The following IDE variants were observed in gnomAD, a reference collection of about 807,000 sequenced individuals.
The protein encoded by IDE is insulin-degrading enzyme.
A neutral mutation model predicts 133.2 loss-of-function variants in IDE; 58 were observed. That is an observed-to-expected ratio of 0.44 (90% CI 0.35 to 0.54). The LOEUF (loss-of-function observed/expected upper bound fraction) is 0.54. Ranked by LOEUF, IDE falls within the 20% of genes least tolerant of loss-of-function variation. IDE has a pLI of 0.00. For synonymous variants in IDE, 396 were observed against 421.3 expected, an observed-to-expected ratio of 0.94 and a Z score of 0.73; for missense variants, 981 against 1,234.0, an observed-to-expected ratio of 0.79 and a Z score of 3.07.
At chr10:92,508,649 G>C in intron 7 of IDE, 79 bp downstream of exon 7, 1 of 1,331,368 alleles carries the variant, frequency 7.5e-7, no homozygotes, top group African/African-American at 1.4e-5. Flanking sequence ...TTCCTTCATA[G>C]GACACTATTC....
intron 1 of IDE, among the ~76,000 whole-genome samples, chr10:92,571,728 C>T (rs1843796131): frequency 6.6e-6 from 1 of 152,204 alleles, no homozygotes; most frequent in South Asian, 2.1e-4. Context: ...AATGAATGCC[C>T]AAATACCAGC....
At position 92,475,953 on chromosome 10, in the gene IDE, T is replaced by C. The variant is rs1228086579; in HGVS notation, c.1926A>G (p.Leu642=). Residue 642 remains leucine (L), a synonymous_variant, in exon 16 of 25, where the codon CTA becomes CTG. Transcript: ENST00000265986. ...KGYNDKQPIL[L]KKIIEKMATF... is the part of the protein sequence containing the mutation. ...TAGCCATTTTCTCAATAATCTTCTTTAGTAAAATTGGCTGCTTGTCATTGT... is the reference window on the plus strand; with the variant it reads ...TAGCCATTTTCTCAATAATCTTCTTCAGTAAAATTGGCTGCTTGTCATTGT... 6.5e-7 allele frequency: 1 copy of C among 1,548,662 alleles called. No homozygotes were observed. Among genetic ancestry groups the C allele is most frequent in the South Asian group, 1.2e-5 (1 of 83,424 alleles).
intron 14 of IDE, among the ~76,000 whole-genome samples, chr10:92,479,936 C>T (rs1223248811): frequency 6.6e-6 from 1 of 152,152 alleles, no homozygotes; most frequent in Non-Finnish European, 1.5e-5. Flanking sequence ...AAAATGTTAG[C>T]TTATCCCTGA....
chr10:92,535,325 G>C (rs925191666), intron 2 of IDE, among the ~76,000 whole-genome samples: 8 of 152,062 alleles, frequency 5.3e-5, no homozygotes, highest in Non-Finnish European at 1.2e-4. Flanking sequence ...GGATGGTCTC[G>C]ATCTCCTGAC....
intron 3 of IDE, among the ~76,000 whole-genome samples, chr10:92,533,251 G>A (rs1221811954): frequency 6.6e-6 from 1 of 152,152 alleles, no homozygotes; most frequent in Non-Finnish European, 1.5e-5. Flanking sequence ...TGCAGCATTT[G>A]TAAAGCAAGA....
chr10:92,538,733 T>C (rs1842145295), intron 1 of IDE, among the ~76,000 whole-genome samples: 1 of 147,960 alleles, frequency 6.8e-6, no homozygotes, highest in Non-Finnish European at 1.5e-5. Flanking sequence ...TTTTTGAGAG[T>C]AGGGTAGATG....
intron 4 of IDE, among the ~76,000 whole-genome samples, chr10:92,516,068 T>C (rs1427085126): frequency 2.7e-4 from 40 of 145,524 alleles, no homozygotes; most frequent in Admixed American, 1.6e-3. Context: ...ACTTGGGAGG[T>C]TGAGGCAGGA....
At chr10:92,464,112 T>C (rs1159121068) in intron 20 of IDE, 109 bp from the exon 21 acceptor site, 2 of 1,125,498 alleles carry the variant, frequency 1.8e-6, no homozygotes, top group Non-Finnish European at 2.6e-6. Context: ...TTTAAGGTTT[T>C]AGAGTATTCA....
intron 8 of IDE, 46 bp downstream of exon 8, chr10:92,508,066 AG>A (rs1313445743): frequency 7.3e-7 from 1 of 1,363,812 alleles, no homozygotes; most frequent in South Asian, 1.2e-5. Context: ...AAAACATCAT[AG>A]AAAGTAAATT....
intron 1 of IDE, among the ~76,000 whole-genome samples, chr10:92,570,894 C>T (rs759793060): frequency 2.0e-5 from 3 of 151,534 alleles, no homozygotes; most frequent in South Asian, 2.1e-4. Context: ...CCAGCCTGGG[C>T]GACAGAGTGA....
chr10:92,526,403 A>G (rs137859455), intron 4 of IDE, among the ~76,000 whole-genome samples: 136 of 152,308 alleles, frequency 8.9e-4, no homozygotes, highest in Non-Finnish European at 1.7e-3. Flanking sequence ...AATCAAGACA[A>G]GGACTTTTTC....
At chr10:92,500,392 G>C (rs1847944160) in intron 11 of IDE, among the ~76,000 whole-genome samples, 1 of 151,998 alleles carries the variant, frequency 6.6e-6, no homozygotes, top group Non-Finnish European at 1.5e-5. Context: ...TAAAAAGAAA[G>C]GGAATCCTGT....
intron 9 of IDE, 117 bp downstream of exon 9, chr10:92,507,458 C>A: frequency 1.4e-6 from 1 of 695,182 alleles, no homozygotes. Context: ...AAATTTTAGA[C>A]TTCAGTTAGG....
At chr10:92,547,538 A>T (rs1253049183) in intron 1 of IDE, among the ~76,000 whole-genome samples, 3 of 152,192 alleles carry the variant, frequency 2.0e-5, no homozygotes, top group Non-Finnish European at 4.4e-5. Flanking sequence ...TGGATTTTTA[A>T]ATATTTGCAT....
rs558548222 is a variant in IDE, at chr10:92,555,236, C to A, written c.99-17686G>T. Among the ~76,000 whole-genome samples the A allele has an allele frequency of 2.0e-5, 3 of 152,160 alleles. No individual in the cohort carries two copies. In the South Asian group the frequency reaches 6.2e-4, roughly 32 times the overall value. On this transcript the variant is annotated intron_variant, in intron 1 of 24. Transcript: ENST00000265986. ...TAAAGAGGCCGGGCACAGTGGCTCA[C>A]GCCTGTAATCCCAACACTTTGGGAG...
chr10:92,484,689 C>T (rs1846858847), intron 13 of IDE, among the ~76,000 whole-genome samples: 1 of 151,366 alleles, frequency 6.6e-6, no homozygotes, highest in South Asian at 2.1e-4. Flanking sequence ...GCTGAGATTG[C>T]ACCACTGCAT....
chr10:92,537,403 G>C lies in IDE; in HGVS notation c.246C>G (p.Thr82=), dbSNP rs1842068881. The C allele has an allele frequency of 1.2e-6, 2 of 1,612,344 alleles. No individual in the cohort carries two copies. The highest frequency in any genetic ancestry group is 2.7e-5 in the African/African-American group (2 of 74,834). ...CAAGTGCTGCTGATGACTTATCCGT[G>C]GTGGGATCACTGATAAGAAGTACTT... ...GIKVLLISDP[T]TDKSSAALDV... The change falls in exon 2 of 25, where the codon ACC becomes ACG. Residue 82 remains threonine (T), a synonymous_variant. Coordinates refer to ENST00000265986, the MANE Select transcript of IDE (RefSeq NM_004969.4).
intron 1 of IDE, among the ~76,000 whole-genome samples, chr10:92,572,109 G>A (rs1028047349): frequency 6.6e-6 from 1 of 152,112 alleles, no homozygotes; most frequent in Non-Finnish European, 1.5e-5. Flanking sequence ...CTGGATGGTC[G>A]ACCGGACTTT....
At chr10:92,573,741 G>A (rs925470852) in intron 1 of IDE, among the ~76,000 whole-genome samples, 181 bp downstream of exon 1, 1 of 152,216 alleles carries the variant, frequency 6.6e-6, no homozygotes, top group African/African-American at 2.4e-5. Context: ...CCCGCCTGGC[G>A]AGCCGCTCTT....
Sources: allele counts gnomAD v4.1 joint callset (sites outside exome capture counted in the v4.1 genomes callset), GRCh38; gene constraint gnomAD v4.1.1; transcripts MANE v1.5; gene names NCBI Gene and HGNC (gene_info 2026-07-23, HGNC 2026-07-21).